The following KCTD1 variants were observed in gnomAD, a reference collection of about 807,000 sequenced individuals.
KCTD1 encodes BTB/POZ domain-containing protein KCTD1.
A neutral mutation model predicts 66.0 loss-of-function variants in KCTD1; 24 were observed. That is an observed-to-expected ratio of 0.36 (90% CI 0.26 to 0.51). The LOEUF is 0.51. Among genes scored for constraint, KCTD1 ranks in the 20% least tolerant of loss-of-function variants. KCTD1 has a pLI of 0.95. For missense variants in KCTD1, 943 were observed against 1,205.2 expected (o/e 0.78, Z 3.22); for synonymous variants, 511 against 517.2 (o/e 0.99, Z 0.16).
chr18:26,594,829 G>A (rs1986729971), intron 1 of KCTD1, among the ~76,000 whole-genome samples: 1 of 152,164 alleles, frequency 6.6e-6, no homozygotes. Flanking sequence ...CCCCCAGGAA[G>A]CAGGAATTCT....
chr18:26,530,794 G>GT (rs1299229973), intron 1 of KCTD1, among the ~76,000 whole-genome samples: 1 of 152,112 alleles, frequency 6.6e-6, no homozygotes, highest in Non-Finnish European at 1.5e-5. Flanking sequence ...GACGATGTGG[G>GT]TTTTTTTCTT....
chr18:26,590,881 T>C (rs1986585363), intron 1 of KCTD1, among the ~76,000 whole-genome samples: 1 of 152,130 alleles, frequency 6.6e-6, no homozygotes, highest in South Asian at 2.1e-4. Context: ...AAACTAATAA[T>C]TTTTTTCTAA....
intron 1 of KCTD1, among the ~76,000 whole-genome samples, chr18:26,569,203 T>C (rs1046215039): frequency 4.6e-5 from 7 of 152,178 alleles, no homozygotes; most frequent in Non-Finnish European, 1.0e-4. Flanking sequence ...ACTTGACAGA[T>C]AAGAAAACAG....
chr18:26,646,774 A>T (rs1987933205), intron 1 of KCTD1, among the ~76,000 whole-genome samples: 2 of 152,222 alleles, frequency 1.3e-5, no homozygotes, highest in South Asian at 4.1e-4. Flanking sequence ...GAGCTTTTTA[A>T]ATGATTTGAA....
At chr18:26,654,899 T>C (rs1428094491) in intron 1 of KCTD1, among the ~76,000 whole-genome samples, 1 of 152,358 alleles carries the variant, frequency 6.6e-6, no homozygotes, top group Admixed American at 6.5e-5. Context: ...TTGCAGTCAG[T>C]GTTTTAGTTT....
At chr18:26,526,494 G>A (rs985770042) in intron 1 of KCTD1, among the ~76,000 whole-genome samples, 1 of 152,208 alleles carries the variant, frequency 6.6e-6, no homozygotes, top group Non-Finnish European at 1.5e-5. Context: ...ACAGGTATTA[G>A]AAAATATAAC....
intron 3 of KCTD1, among the ~76,000 whole-genome samples, chr18:26,473,369 T>C (rs1045487222): frequency 4.0e-5 from 6 of 151,642 alleles, no homozygotes; most frequent in Non-Finnish European, 8.8e-5. Context: ...TGAGAATACA[T>C]GGACAAAGGG....
intron 1 of KCTD1, among the ~76,000 whole-genome samples, chr18:26,648,954 G>A (rs1987978318): frequency 6.6e-6 from 1 of 152,218 alleles, no homozygotes; most frequent in East Asian, 1.9e-4. Flanking sequence ...GCACTTAGAG[G>A]CATTGTATTG....
intron 1 of KCTD1, chr18:26,657,318 C>G: frequency 2.0e-6 from 2 of 985,368 alleles, no homozygotes; most frequent in Non-Finnish European, 2.4e-6. Flanking sequence ...CAGCCATACC[C>G]TCCTTAGCAA....
Position 26,547,723 on chromosome 18 carries a change from C to T in KCTD1, c.814G>A (p.Glu272Lys). The part of the protein sequence containing the change: ...TLAAVIRKLE[E>K]QGAGPVVQKQ... ...TGCACCACCGGCCCGGCGCCCTGCT[C>T]CTCGAGCTTGCGGATGACCGCGGCC... The change falls in exon 1 of 5, where the codon GAG (glutamate) becomes AAG (lysine). Residue 272 changes from glutamate to lysine, a missense_variant. By Grantham distance (56) the Glu-to-Lys change is moderately conservative. Around this residue, in one of 10 missense-constraint regions of KCTD1, gnomAD observed 61 missense variants for 109.6 expected, o/e 0.56. Transcript: ENST00000580059. 1 of 1,548,150 alleles carries T rather than the reference C, an allele frequency of 6.5e-7. No homozygotes were observed. Among genetic ancestry groups the T allele is most frequent in the Non-Finnish European group, 8.7e-7 (1 of 1,146,770 alleles).
intron 2 of KCTD1, among the ~76,000 whole-genome samples, chr18:26,495,204 T>C (rs534293144): frequency 2.6e-5 from 4 of 152,212 alleles, no homozygotes; most frequent in Admixed American, 2.0e-4. Context: ...AAACTGGAAC[T>C]GTAAAGTCAT....
intron 4 of KCTD1, 25 bp from the exon 5 acceptor site, chr18:26,455,926 C>G (rs373492656): frequency 1.1e-4 from 174 of 1,607,484 alleles, no homozygotes; most frequent in Non-Finnish European, 1.4e-4. Flanking sequence ...GACAAGCATC[C>G]AGTTAGGGGT....
chr18:26,486,549 A>G (rs929804943), intron 2 of KCTD1, among the ~76,000 whole-genome samples: 13 of 152,342 alleles, frequency 8.5e-5, no homozygotes, highest in African/African-American at 3.1e-4. Context: ...CAGTATTCGC[A>G]ACCCTAAATA....
At chr18:26,531,152 T>G (rs1057158721) in intron 1 of KCTD1, among the ~76,000 whole-genome samples, 1 of 152,162 alleles carries the variant, frequency 6.6e-6, no homozygotes, top group African/African-American at 2.4e-5. Flanking sequence ...AACCATTATT[T>G]TTTTGAAGAA....
intron 1 of KCTD1, among the ~76,000 whole-genome samples, chr18:26,531,341 A>G (rs1598921740): frequency 6.6e-6 from 1 of 152,182 alleles, no homozygotes; most frequent in East Asian, 1.9e-4. Context: ...AAGAAAAATA[A>G]ATTAAATAAA....
intron 1 of KCTD1, among the ~76,000 whole-genome samples, chr18:26,568,057 G>GA: frequency 6.6e-6 from 1 of 152,084 alleles, no homozygotes; most frequent in Non-Finnish European, 1.5e-5. Context: ...CTGGCCATTG[G>GA]AAAATTCATT....
intron 1 of KCTD1, among the ~76,000 whole-genome samples, chr18:26,650,965 C>T (rs1446172678): frequency 6.6e-6 from 1 of 152,228 alleles, no homozygotes; most frequent in African/African-American, 2.4e-5. Flanking sequence ...GAATTGTTGT[C>T]AGTTCCCATT....
At position 26,459,896 on chromosome 18, in the gene KCTD1, T is replaced by A. The variant is rs1207775971; in HGVS notation, c.2163A>T (p.Lys721Asn). 2.5e-6 allele frequency: 4 copies of A among 1,600,216 alleles called. No individual in the cohort carries two copies. Among genetic ancestry groups the A allele is most frequent in the Admixed American group, 3.5e-5 (2 of 57,746 alleles). The stretch of plus-strand genomic sequence containing the variant: ...ACAACATGGGCTGAAGCTGAAAATA[T>A]TTTGCCTCTTCATATAACAAAGTGT... Reference protein sequence around the residue: ...KDYTLLYEEAKYFQLQPMLLE... With the variant: ...KDYTLLYEEANYFQLQPMLLE... Residue 721 changes from lysine to asparagine, a missense_variant, in exon 4 of 5, where the codon AAA (lysine) becomes AAT (asparagine). This residue lies in a region of KCTD1 where 162 missense variants were observed against 232.4 expected (regional missense o/e 0.70). Coordinates refer to ENST00000580059, the MANE Select transcript of KCTD1 (RefSeq NM_001142730.3).
intron 3 of KCTD1, among the ~76,000 whole-genome samples, chr18:26,474,160 A>T (rs1981219645): frequency 6.6e-6 from 1 of 152,232 alleles, no homozygotes; most frequent in African/African-American, 2.4e-5. Flanking sequence ...TCATGGAATT[A>T]CATGATTTTC....
Sources: allele counts gnomAD v4.1 joint callset (sites outside exome capture counted in the v4.1 genomes callset), GRCh38; gene constraint gnomAD v4.1.1; regional missense constraint gnomAD v4.1.1; transcripts MANE v1.5; gene names NCBI Gene and HGNC (gene_info 2026-07-23, HGNC 2026-07-21).